UNC5D: variants seen among roughly 807,000 people sequenced by gnomAD.
UNC5D encodes netrin receptor UNC5D.
Under a neutral mutation model 105.4 loss-of-function variants are expected in UNC5D, and 39 were observed. The observed-to-expected ratio is 0.37, with a 90% CI of 0.29 to 0.48. The LOEUF is 0.48. UNC5D is among the 20% of genes least tolerant of loss of function. The probability of loss-of-function intolerance (pLI) is 0.98; values close to 1 mark genes in which losing one functional copy is unlikely to be tolerated. For missense variants in UNC5D, 991 were observed against 1,202.4 expected, an observed-to-expected ratio of 0.82 and a Z score of 2.60; for synonymous variants, 452 against 450.4, an observed-to-expected ratio of 1.00 and a Z score of -0.04.
chr8:35,332,767 C>T (rs939515024), intron 1 of UNC5D, among the ~76,000 whole-genome samples: 6 of 152,154 alleles, frequency 3.9e-5, no homozygotes, highest in African/African-American at 1.4e-4. Context: ...CCCACTCTTA[C>T]ATGAACTTCA....
At chr8:35,605,576 G>A (rs1016212001) in intron 4 of UNC5D, among the ~76,000 whole-genome samples, 1 of 152,188 alleles carries the variant, frequency 6.6e-6, no homozygotes, top group Non-Finnish European at 1.5e-5. Flanking sequence ...AAAGCTGTCA[G>A]ACAGGGACAT....
rs539654490 is a variant in UNC5D, at chr8:35,743,233, C to G, written c.1767-5294C>G. ...TTGTAAGAATTCTGGAAAAATTCTCCCTGGGCCTTCTATTTTCATGCATTC... is the reference window on the plus strand; with the variant it reads ...TTGTAAGAATTCTGGAAAAATTCTCGCTGGGCCTTCTATTTTCATGCATTC... On this transcript the variant is annotated intron_variant, in intron 11 of 16. Coordinates refer to ENST00000404895, the MANE Select transcript of UNC5D (RefSeq NM_080872.4). Among the ~76,000 whole-genome samples, 342 of 151,918 alleles carry G rather than the reference C, an allele frequency of 2.3e-3. 2 individuals are homozygous for G. The highest frequency in any genetic ancestry group is 8.0e-3 in the African/African-American group (331 of 41,432).
intron 4 of UNC5D, among the ~76,000 whole-genome samples, chr8:35,597,204 C>T (rs1819543124): frequency 6.6e-6 from 1 of 152,116 alleles, no homozygotes; most frequent in Admixed American, 6.5e-5. Context: ...AAATGGCTCA[C>T]AGAAATGAAG....
intron 1 of UNC5D, among the ~76,000 whole-genome samples, chr8:35,522,184 A>C (rs989293252): frequency 1.4e-4 from 22 of 152,132 alleles, no homozygotes; most frequent in Non-Finnish European, 3.1e-4. Context: ...TTACTCTGGG[A>C]GTATTTTCGG....
chr8:35,283,515 A>C (rs1289722475), intron 1 of UNC5D, among the ~76,000 whole-genome samples: 1 of 151,826 alleles, frequency 6.6e-6, no homozygotes, highest in Non-Finnish European at 1.5e-5. Flanking sequence ...TAATCCCAGC[A>C]CTTTGGGAGG....
At position 35,793,857 on chromosome 8, in the gene UNC5D, G is replaced by A. The variant is rs1312419004; in HGVS notation, c.*3294G>A. 1.3e-5 allele frequency: 2 copies of A among 152,216 alleles called. No individual in the cohort carries two copies. The highest frequency in any genetic ancestry group is 3.2e-3 in the Middle Eastern group (1 of 316). 9.4% of individuals were successfully genotyped at this position (152,216 alleles called of 1,614,324 possible). A position where few individuals can be genotyped will look rare whatever the true frequency, so the allele number is the denominator to read the frequency against. On this transcript the variant is annotated 3_prime_UTR_variant, in exon 17 of 17. Transcript: ENST00000404895. The stretch of plus-strand genomic sequence containing the variant: ...TTGACACAGTTCTCTTTAAAGAGAA[G>A]AACTTTTTTATTATTATTTTTATCT...
chr8:35,268,107 T>G (rs59470604), intron 1 of UNC5D, among the ~76,000 whole-genome samples: 3,772 of 152,304 alleles, frequency 0.025, 159 homozygotes, highest in African/African-American at 0.084. Flanking sequence ...TAAATTCCCA[T>G]ATTCCCTTAG....
intron 1 of UNC5D, among the ~76,000 whole-genome samples, chr8:35,244,862 T>A (rs1468183867): frequency 2.6e-5 from 4 of 151,584 alleles, no homozygotes; most frequent in Middle Eastern, 3.2e-3. Flanking sequence ...TTTTTTTTTT[T>A]AAAGTTAGCT....
chr8:35,615,552 A>G (rs1378880156), intron 4 of UNC5D, among the ~76,000 whole-genome samples: 1 of 152,100 alleles, frequency 6.6e-6, no homozygotes, highest in Non-Finnish European at 1.5e-5. Flanking sequence ...CTCAGGCTGG[A>G]GTGCAGTGGC....
intron 1 of UNC5D, among the ~76,000 whole-genome samples, chr8:35,469,073 C>A (rs1358991486): frequency 1.3e-5 from 2 of 152,190 alleles, no homozygotes; most frequent in East Asian, 3.9e-4. Context: ...ACCTTCCTCA[C>A]TAACAGGACT....
At chr8:35,590,116 A>G (rs1256697951) in intron 3 of UNC5D, among the ~76,000 whole-genome samples, 1 of 152,104 alleles carries the variant, frequency 6.6e-6, no homozygotes, top group Non-Finnish European at 1.5e-5. Flanking sequence ...CTCTTCTTGT[A>G]TAAATTTTGT....
At chr8:35,522,007 C>A (rs963492217) in intron 1 of UNC5D, among the ~76,000 whole-genome samples, 3 of 152,146 alleles carry the variant, frequency 2.0e-5, no homozygotes, top group African/African-American at 4.8e-5. Flanking sequence ...AACTTAACAT[C>A]CCCGGAGGAA....
At chr8:35,608,866 CA>C (rs1361363650) in intron 4 of UNC5D, among the ~76,000 whole-genome samples, 1 of 152,040 alleles carries the variant, frequency 6.6e-6, no homozygotes, top group South Asian at 2.1e-4. Context: ...CATAGTAGTG[CA>C]ATAAGTATGT....
intron 1 of UNC5D, among the ~76,000 whole-genome samples, chr8:35,359,342 C>T (rs189828078): frequency 1.3e-5 from 2 of 152,302 alleles, no homozygotes; most frequent in East Asian, 3.9e-4. Context: ...ATTATTCACC[C>T]ATCTACCAGC....
intron 4 of UNC5D, among the ~76,000 whole-genome samples, chr8:35,674,515 G>C (rs780054164): frequency 3.3e-5 from 5 of 152,096 alleles, no homozygotes; most frequent in Non-Finnish European, 5.9e-5. Context: ...GATGCTTTAA[G>C]GATTAAATTA....
In UNC5D at chr8:35,519,992, G is replaced by A. The variant is rs537837419; in HGVS notation, c.104-29300G>A. Among the ~76,000 whole-genome samples, 165 of 152,158 alleles carry A rather than the reference G, an allele frequency of 1.1e-3. 1 individual carries two copies. The highest frequency in any genetic ancestry group is 2.1e-3 in the Non-Finnish European group (141 of 67,954). On this transcript the variant is annotated intron_variant, in intron 1 of 16. Transcript: ENST00000404895. ...AAATGTAGAATGGTACAGGCACTTT[G>A]GAAGAGACTTTGGCTCTTCTTCAAA... is the stretch of plus-strand genomic sequence containing the variant.
intron 1 of UNC5D, among the ~76,000 whole-genome samples, chr8:35,465,405 T>C (rs1325483607): frequency 6.8e-6 from 1 of 146,360 alleles, no homozygotes; most frequent in Admixed American, 6.9e-5. Flanking sequence ...GAATATTGTA[T>C]GCTCAAAAGC....
At chr8:35,593,737 T>G (rs1819318200) in intron 3 of UNC5D, among the ~76,000 whole-genome samples, 1 of 152,134 alleles carries the variant, frequency 6.6e-6, no homozygotes, top group African/African-American at 2.4e-5. Context: ...CATTCCAGCC[T>G]GGGCGGGAGC....
intron 1 of UNC5D, among the ~76,000 whole-genome samples, chr8:35,332,518 G>T (rs1467118671): frequency 6.6e-6 from 1 of 152,200 alleles, no homozygotes; most frequent in Non-Finnish European, 1.5e-5. Flanking sequence ...CAGCTCTTTT[G>T]CTTTAGTTGC....
Sources: gnomAD v4.1 joint callset for allele counts (sites outside exome capture counted in the v4.1 genomes callset) on GRCh38, gnomAD v4.1.1 for gene constraint, MANE v1.5 for transcripts, NCBI Gene and HGNC (gene_info 2026-07-23, HGNC 2026-07-21) for gene names.